The following PARD3B variants were observed in gnomAD, a reference collection of about 807,000 sequenced individuals.
The protein encoded by PARD3B is par-3 family cell polarity regulator beta, also known as partitioning defective 3 homolog B.
In PARD3B, 103 loss-of-function variants were observed where a neutral mutation model predicts 130.2. The observed-to-expected ratio is 0.79, with a 90% CI of 0.67 to 0.93. PARD3B has a LOEUF of 0.93. Ranked by LOEUF, PARD3B falls within the 40% of genes least tolerant of loss-of-function variation. PARD3B has a pLI of 0.00. For synonymous variants in PARD3B, 583 were observed against 553.2 expected (o/e 1.05, Z -0.76); for missense variants, 1,609 against 1,499.2 (o/e 1.07, Z -1.21).
intron 3 of PARD3B, among the ~76,000 whole-genome samples, chr2:204,978,965 CAAAAA>C (rs34432147): frequency 1.3e-5 from 1 of 74,908 alleles, no homozygotes. Context: ...ACCCTGGCCT[CAAAAA>C]AAAAAAAAAA....
intron 13 of PARD3B, among the ~76,000 whole-genome samples, chr2:205,177,955 T>C (rs1335198806): frequency 2.6e-5 from 4 of 151,864 alleles, no homozygotes; most frequent in Admixed American, 6.6e-5. Context: ...TGGGTCTGAC[T>C]TATATTGGTC....
At chr2:204,597,996 T>A (rs760100794) in intron 1 of PARD3B, among the ~76,000 whole-genome samples, 1 of 152,302 alleles carries the variant, frequency 6.6e-6, no homozygotes, top group South Asian at 2.1e-4. Flanking sequence ...ATTATTGTTA[T>A]GTGTAAGAGC....
chr2:205,172,161 A>T, intron 11 of PARD3B, 50 bp from the exon 12 acceptor site: 1 of 1,568,846 alleles, frequency 6.4e-7, no homozygotes, highest in Non-Finnish European at 8.7e-7. Context: ...GCCACATGTC[A>T]TCACCATACT....
In PARD3B at chr2:205,539,886, C is replaced by T. The variant is rs1006394205; in HGVS notation, c.3181-13438C>T. ...TGAAGTTTTTTCAAAGCCCTCTTAGCCAAAGAAGTATGAGGCTTTGATGTA... is the reference window on the plus strand; with the variant it reads ...TGAAGTTTTTTCAAAGCCCTCTTAGTCAAAGAAGTATGAGGCTTTGATGTA... On this transcript the variant is annotated intron_variant, in intron 21 of 22. Coordinates refer to ENST00000406610, the MANE Select transcript of PARD3B (RefSeq NM_001302769.2). Among the ~76,000 whole-genome samples the T allele has an allele frequency of 7.9e-5, 12 of 152,102 alleles. No individual in the cohort carries two copies. In the South Asian group the frequency reaches 1.7e-3, roughly 21 times the overall value.
chr2:205,542,091 T>C (rs1326578014), intron 21 of PARD3B, among the ~76,000 whole-genome samples: 2 of 124,350 alleles, frequency 1.6e-5, no homozygotes, highest in East Asian at 4.8e-4. Flanking sequence ...TGCAGTAAGC[T>C]GAGATCACGC....
At chr2:205,492,654 A>C (rs1447780796) in intron 20 of PARD3B, among the ~76,000 whole-genome samples, 1 of 152,158 alleles carries the variant, frequency 6.6e-6, no homozygotes, top group Admixed American at 6.6e-5. Context: ...GCACCTTTGA[A>C]AAAAATAGAG....
intron 18 of PARD3B, among the ~76,000 whole-genome samples, chr2:205,379,822 C>T (rs1315250241): frequency 2.6e-5 from 4 of 151,946 alleles, no homozygotes. Context: ...ATAATCCCAG[C>T]ACTTTGTGAG....
chr2:205,109,201 C>A (rs1341614996), intron 5 of PARD3B, among the ~76,000 whole-genome samples: 1 of 152,182 alleles, frequency 6.6e-6, no homozygotes, highest in Non-Finnish European at 1.5e-5. Flanking sequence ...ACATTTGCAT[C>A]CTCAAGATAT....
intron 20 of PARD3B, among the ~76,000 whole-genome samples, chr2:205,457,328 A>G (rs954179176): frequency 1.3e-4 from 20 of 151,964 alleles, no homozygotes; most frequent in Non-Finnish European, 2.8e-4. Flanking sequence ...TATCTTATTG[A>G]TCTGCATATT....
At chr2:205,182,365 C>G (rs1226410128) in intron 13 of PARD3B, among the ~76,000 whole-genome samples, 1 of 150,224 alleles carries the variant, frequency 6.7e-6, no homozygotes, top group Non-Finnish European at 1.5e-5. Context: ...AAACAAGGTA[C>G]TTACCTCTAC....
intron 1 of PARD3B, among the ~76,000 whole-genome samples, chr2:204,628,372 A>G (rs1388278759): frequency 6.6e-6 from 1 of 152,098 alleles, no homozygotes; most frequent in Non-Finnish European, 1.5e-5. Flanking sequence ...ATGGGCAAGT[A>G]GGATTGACAA....
chr2:205,480,965 C>T (rs1163341336), intron 20 of PARD3B, among the ~76,000 whole-genome samples: 1 of 152,050 alleles, frequency 6.6e-6, no homozygotes, highest in Non-Finnish European at 1.5e-5. Context: ...ATGACAGACT[C>T]CTGGGGCTGT....
chr2:205,361,315 T>C (rs1674760967), intron 18 of PARD3B, among the ~76,000 whole-genome samples: 1 of 152,154 alleles, frequency 6.6e-6, no homozygotes, highest in South Asian at 2.1e-4. Flanking sequence ...GAAAATCTAA[T>C]GTCATTATGC....
chr2:205,436,384 T>G (rs959746768), intron 19 of PARD3B, among the ~76,000 whole-genome samples: 1 of 152,182 alleles, frequency 6.6e-6, no homozygotes, highest in African/African-American at 2.4e-5. Context: ...ATTCCCTCTA[T>G]GTTTTCAAAT....
rs571259475 is a variant in PARD3B at position 204,651,710 on chromosome 2, A to G, written c.121-34471A>G. 6.0e-4 allele frequency among the ~76,000 whole-genome samples: 92 copies of G among 152,298 alleles called. 2 individuals are homozygous for G. The South Asian group carries it at 0.018, about 30-fold the overall frequency. On this transcript the variant is annotated intron_variant, in intron 1 of 22. Coordinates refer to ENST00000406610, the MANE Select transcript of PARD3B (RefSeq NM_001302769.2). Reference sequence around the variant, plus strand: ...CTCCAATCCTACATTTCTTCCCCACACTACCCCAGTAGAGATTCTCCATGA... The same window carrying G: ...CTCCAATCCTACATTTCTTCCCCACGCTACCCCAGTAGAGATTCTCCATGA...
At chr2:204,585,825 A>G (rs933857099) in intron 1 of PARD3B, among the ~76,000 whole-genome samples, 15 of 152,296 alleles carry the variant, frequency 9.8e-5, no homozygotes, top group Admixed American at 9.2e-4. Flanking sequence ...ATAGTTTTAA[A>G]AATACGCATT....
intron 19 of PARD3B, among the ~76,000 whole-genome samples, chr2:205,438,906 G>GGCTTT (rs2047613767): frequency 6.6e-6 from 1 of 151,924 alleles, no homozygotes; most frequent in Non-Finnish European, 1.5e-5. Flanking sequence ...TAGGTGCTGG[G>GGCTTT]GTTTTGTTTT....
At chr2:205,415,030 A>C (rs1027281065) in intron 19 of PARD3B, among the ~76,000 whole-genome samples, 1 of 152,164 alleles carries the variant, frequency 6.6e-6, no homozygotes. Context: ...GAAAGTCAAA[A>C]GAGGATAATT....
rs2033010160 is a variant in PARD3B, at chr2:205,142,138, A to G, written c.1434+16401A>G. Among the ~76,000 whole-genome samples the G allele has an allele frequency of 6.6e-6, 1 of 152,204 alleles. No individual in the cohort carries two copies. Among genetic ancestry groups the G allele is most frequent in the Non-Finnish European group, 1.5e-5 (1 of 68,052 alleles). ...TTTTATTATGTATAGAGTGTTTTGA[A>G]GACCTAGATGAGAGCCACAAACAGC... On this transcript the variant is annotated intron_variant, in intron 10 of 22. Coordinates refer to ENST00000406610, the MANE Select transcript of PARD3B (RefSeq NM_001302769.2). This position sits in a 1 kb window ranked among gnomAD's most constrained non-coding sequence, Gnocchi z 4.3.
Sources: gnomAD v4.1 joint callset for allele counts (sites outside exome capture counted in the v4.1 genomes callset) on GRCh38, gnomAD v4.1.1 for gene constraint, Gnocchi (gnomAD v3.1) non-coding constraint, MANE v1.5 for transcripts, NCBI Gene and HGNC (gene_info 2026-07-23, HGNC 2026-07-21) for gene names.